GRHL1: variants seen among roughly 807,000 people sequenced by gnomAD.
The protein encoded by GRHL1 is grainyhead like transcription factor 1, also known as grainyhead-like protein 1 homolog.
A neutral mutation model predicts 75.7 loss-of-function variants in GRHL1; 38 were observed. That is an observed-to-expected ratio of 0.50 (90% confidence interval 0.39 to 0.66). The LOEUF (loss-of-function observed/expected upper bound fraction) is 0.66, where lower values mean the gene tolerates loss of function less well. GRHL1 is among the 30% of genes least tolerant of loss of function. The pLI is 0.00. For synonymous variants in GRHL1, 266 were observed against 279.4 expected (o/e 0.95, Z 0.48); for missense variants, 589 against 767.5 (o/e 0.77, Z 2.75).
At chr2:9,971,523 A>G (rs753734255) in intron 8 of GRHL1, among the ~76,000 whole-genome samples, 29 of 152,250 alleles carry the variant, frequency 1.9e-4, no homozygotes, top group African/African-American at 4.6e-4. Flanking sequence ...TGGATTATTC[A>G]TGCATTTCTA....
Position 9,996,426 on chromosome 2 carries a change from C to T in GRHL1, c.1677+25C>T, listed in dbSNP as rs755440696. ...TGTAAGTAGGATCAACTCTGTAATC[C>T]CCTGTACAAAATGAAAGGACAAGTA... On this transcript the variant is annotated intron_variant, in intron 14 of 15. Transcript: ENST00000324907. 2.2e-6 allele frequency: 3 copies of T among 1,394,312 alleles called. No homozygotes were observed. The South Asian group carries it at 3.5e-5, about 16-fold the overall frequency. The allele number at this position is 1,394,312 out of a possible 1,614,324, so 86.4% of individuals were successfully genotyped here. A position where few individuals can be genotyped will look rare whatever the true frequency, so the allele number is the denominator to read the frequency against.
intron 14 of GRHL1, 101 bp from the exon 15 acceptor site, chr2:9,998,864 G>GTGTA (rs1669124734): frequency 9.5e-6 from 1 of 105,556 alleles, no homozygotes; most frequent in Non-Finnish European, 1.5e-5. Flanking sequence ...ATATATATAC[G>GTGTA]TATATATATG....
In GRHL1 at chr2:9,955,090, G is replaced by T; in HGVS notation, c.196G>T (p.Asp66Tyr). 1 of 1,611,878 alleles carries T rather than the reference G, an allele frequency of 6.2e-7. No homozygotes were observed. Among genetic ancestry groups the T allele is most frequent in the South Asian group, 1.1e-5 (1 of 90,856 alleles). Residue 66 changes from aspartate (D) to tyrosine (Y), a missense_variant, in exon 2 of 16, where the codon GAC (aspartate) becomes TAC (tyrosine). Physicochemically the swap from Asp to Tyr is radical, Grantham distance 160. Coordinates refer to ENST00000324907, the MANE Select transcript of GRHL1 (RefSeq NM_198182.3). ...CGCCGCTGCGCTGGGCCTGCTCTAT[G>T]ACTACTACAAGGTGGGTTTGCCTGC... The part of the protein sequence containing the change: ...DSAAALGLLY[D>Y]YYKVPRERRS...
chr2:9,970,003 C>T (rs578163886), intron 8 of GRHL1, among the ~76,000 whole-genome samples: 7 of 152,152 alleles, frequency 4.6e-5, no homozygotes, highest in African/African-American at 1.7e-4. Context: ...CCACCATGCC[C>T]GGCTAATTTT....
intron 7 of GRHL1, 39 bp from the exon 8 acceptor site, chr2:9,965,248 C>T (rs1667440768): frequency 9.4e-7 from 1 of 1,061,034 alleles, no homozygotes; most frequent in African/African-American, 1.6e-5. Flanking sequence ...GAAACTAAGA[C>T]TCATGAGTTT....
chr2:10,000,534 G>A, intron 15 of GRHL1, 59 bp from the exon 16 acceptor site: 2 of 925,816 alleles, frequency 2.2e-6, no homozygotes, highest in Non-Finnish European at 1.8e-6. Context: ...GGTCAATCTA[G>A]GTCTGACTCC....
At position 9,961,551 on chromosome 2, in the gene GRHL1, T is replaced by C. The variant is rs1428227922; in HGVS notation, c.669+115T>C. The stretch of plus-strand genomic sequence containing the variant: ...CAGCCTGAAATGAATGGATTAGGAA[T>C]AAAAGATTTTTTTTTTAAGAGAAAA... On this transcript the variant is annotated intron_variant, in intron 4 of 15. Transcript: ENST00000324907. 5.0e-6 allele frequency: 5 copies of C among 990,596 alleles called. No homozygotes were observed. In the African/African-American group the frequency reaches 9.1e-5, roughly 18 times the overall value. 61.4% of individuals were successfully genotyped at this position (990,596 alleles called of 1,614,324 possible).
At position 9,969,454 on chromosome 2, in the gene GRHL1, G is replaced by A. The variant is rs967736443; in HGVS notation, c.1110+4073G>A. The stretch of plus-strand genomic sequence containing the variant: ...ATGGATAGAAAACATTCTTGACAGG[G>A]AAGATTACTTAAAAATGTAGGTATT... On this transcript the variant is annotated intron_variant, in intron 8 of 15. Coordinates refer to ENST00000324907, the MANE Select transcript of GRHL1 (RefSeq NM_198182.3). Among the ~76,000 whole-genome samples, 3 of 152,286 alleles carry A rather than the reference G, an allele frequency of 2.0e-5. No individual in the cohort carries two copies. In the East Asian group the frequency reaches 5.8e-4, roughly 29 times the overall value.
In GRHL1 at chr2:9,951,873, C is replaced by G; in HGVS notation, c.20+20C>G. ...CGACAAGTGAGTGAGGCGCAGGAGT[C>G]CGGCCGCCGCGGGGGGGCCGCGCTG... is the stretch of plus-strand genomic sequence containing the variant. On this transcript the variant is annotated intron_variant, in intron 1 of 15. Transcript: ENST00000324907. This position sits in a 1 kb window ranked among gnomAD's most constrained non-coding sequence, Gnocchi z 4.2. 6.9e-7 allele frequency: 1 copy of G among 1,452,400 alleles called. No individual in the cohort carries two copies. Among genetic ancestry groups the G allele is most frequent in the Non-Finnish European group, 9.2e-7 (1 of 1,091,308 alleles). The allele number at this position is 1,452,400 out of a possible 1,614,324, so 90.0% of individuals were successfully genotyped here.
Position 10,001,124 on chromosome 2 carries a change from T to C in GRHL1, c.*417T>C, listed in dbSNP as rs1179803230. 1 of 154,190 alleles carries C rather than the reference T, an allele frequency of 6.5e-6. No individual in the cohort carries two copies. 9.6% of individuals were successfully genotyped at this position (154,190 alleles called of 1,614,324 possible). A position where few individuals can be genotyped will look rare whatever the true frequency, so the allele number is the denominator to read the frequency against. On this transcript the variant is annotated 3_prime_UTR_variant, in exon 16 of 16. Coordinates refer to ENST00000324907, the MANE Select transcript of GRHL1 (RefSeq NM_198182.3). ...GGCGATAGGCTTGGCTTTAAGGATTTCGTGCCCTTGCCTGAATTCAGTACA... is the reference window on the plus strand; with the variant it reads ...GGCGATAGGCTTGGCTTTAAGGATTCCGTGCCCTTGCCTGAATTCAGTACA...
Position 9,963,868 on chromosome 2 carries a change from A to G in GRHL1, c.747-18A>G. On this transcript the variant is annotated intron_variant, in intron 5 of 15. Coordinates refer to ENST00000324907, the MANE Select transcript of GRHL1 (RefSeq NM_198182.3). ...ACGAGAGTAGATTTAGAGACCTGTG[A>G]CTTTTTTTGTCCTTTAGGAACAACT... The G allele has an allele frequency of 6.3e-7, 1 of 1,594,034 alleles. No individual in the cohort carries two copies. The highest frequency in any genetic ancestry group is 1.1e-5 in the South Asian group (1 of 88,898).
chr2:9,969,621 A>G (rs1425959054), intron 8 of GRHL1, among the ~76,000 whole-genome samples: 2 of 152,196 alleles, frequency 1.3e-5, no homozygotes, highest in Admixed American at 6.5e-5. Flanking sequence ...TATAAACTAA[A>G]AAGCTGCTGT....
rs931903213 is a variant in GRHL1, at chr2:9,964,524, C to G, written c.1015+178C>G. 5.4e-6 allele frequency: 3 copies of G among 553,082 alleles called. No homozygotes were observed. The African/African-American group carries it at 5.7e-5, about 10-fold the overall frequency. The allele number at this position is 553,082 out of a possible 1,614,324, so 34.3% of individuals were successfully genotyped here. Reference sequence around the variant, plus strand: ...TGGAACCAGTGCTCTCACCATTGCTCCCATGCAGTAATGGGACATGTGCCC... The same window carrying G: ...TGGAACCAGTGCTCTCACCATTGCTGCCATGCAGTAATGGGACATGTGCCC... On this transcript the variant is annotated intron_variant, in intron 7 of 15. Coordinates refer to ENST00000324907, the MANE Select transcript of GRHL1 (RefSeq NM_198182.3).
rs527675483 is a variant in GRHL1, at chr2:9,956,829, T to A, written c.207+1728T>A. ...AACTTTTGAGAATGGGAGAAACTCG[T>A]TGGTACAAGTTTTGTGCCAGAAAGG... On this transcript the variant is annotated intron_variant, in intron 2 of 15. Coordinates refer to ENST00000324907, the MANE Select transcript of GRHL1 (RefSeq NM_198182.3). Among the ~76,000 whole-genome samples, 35 of 152,326 alleles carry A rather than the reference T, an allele frequency of 2.3e-4. No individual in the cohort carries two copies. In the South Asian group the frequency reaches 3.5e-3, roughly 15 times the overall value.
At chr2:9,954,746 C>A in intron 1 of GRHL1, 169 bp from the exon 2 acceptor site, 1 of 673,082 alleles carries the variant, frequency 1.5e-6, no homozygotes, top group Non-Finnish European at 2.7e-6. Flanking sequence ...CTGTGGGACC[C>A]ATTGGTCTGC....
chr2:9,975,894 C>CA (rs909173528), intron 8 of GRHL1, among the ~76,000 whole-genome samples: 9 of 151,726 alleles, frequency 5.9e-5, no homozygotes, highest in Non-Finnish European at 8.8e-5. Flanking sequence ...TCTCAAAAAA[C>CA]AAAAAAACAA....
chr2:9,982,457 G>C (rs6432048), intron 8 of GRHL1, among the ~76,000 whole-genome samples: 1 of 152,104 alleles, frequency 6.6e-6, no homozygotes, highest in African/African-American at 2.4e-5. Flanking sequence ...CAGAATCTCT[G>C]GGGTGTAGCC....
intron 15 of GRHL1, among the ~76,000 whole-genome samples, 193 bp downstream of exon 15, chr2:9,999,222 A>C (rs547640053): frequency 6.6e-6 from 1 of 152,316 alleles, no homozygotes; most frequent in African/African-American, 2.4e-5. Flanking sequence ...CCAGTCCAGA[A>C]GCAGCCAAAG....
At position 9,951,747 on chromosome 2, in the gene GRHL1, G is replaced by T; in HGVS notation, c.-87G>T. On this transcript the variant is annotated 5_prime_UTR_variant, in exon 1 of 16. Coordinates refer to ENST00000324907, the MANE Select transcript of GRHL1 (RefSeq NM_198182.3). This position sits in a 1 kb window ranked among gnomAD's most constrained non-coding sequence, Gnocchi z 4.2. ...GGGCCGCCGCTCCGGACCCGCAGCC[G>T]CCGCCGCCGCCTCCTCCCCCCGGAT... The T allele has an allele frequency of 7.8e-7, 1 of 1,286,516 alleles. No homozygotes were observed. 79.7% of individuals were successfully genotyped at this position (1,286,516 alleles called of 1,614,324 possible). A position where few individuals can be genotyped will look rare whatever the true frequency, so the allele number is the denominator to read the frequency against.
Sources: gnomAD v4.1 joint callset for allele counts (sites outside exome capture counted in the v4.1 genomes callset) on GRCh38, gnomAD v4.1.1 for gene constraint, Gnocchi (gnomAD v3.1) non-coding constraint, MANE v1.5 for transcripts, NCBI Gene and HGNC (gene_info 2026-07-23, HGNC 2026-07-21) for gene names.